EYS: variants seen among roughly 807,000 people sequenced by gnomAD.
EYS encodes EGF-like photoreceptor maintenance factor, also known as protein eyes shut homolog.
In EYS, 250 loss-of-function variants were observed where a neutral mutation model predicts 282.1. The ratio of observed to expected loss-of-function variants is 0.89; its 90% CI spans 0.80 to 0.98. The LOEUF is 0.98. EYS is among the 50% of genes least tolerant of loss of function. The probability of loss-of-function intolerance (pLI) is 0.00; values close to 1 mark genes in which losing one functional copy is unlikely to be tolerated. For synonymous variants in EYS, 1,355 were observed against 1,282.9 expected (o/e 1.06, Z -1.20); for missense variants, 4,016 against 3,709.0 (o/e 1.08, Z -2.15).
rs116416595 is a variant in EYS, at chr6:65,664,721, A to G, written c.-447-24829T>C. Among the ~76,000 whole-genome samples, 492 of 152,274 alleles carry G rather than the reference A, an allele frequency of 3.2e-3. 2 individuals are homozygous for G. The highest frequency in any genetic ancestry group is 0.011 in the African/African-American group (477 of 41,564). On this transcript the variant is annotated intron_variant, in intron 1 of 42. Coordinates refer to ENST00000503581, the MANE Select transcript of EYS (RefSeq NM_001142800.2). ...TTTAATATGCTCACAAATAAACAGG[A>G]TAATAATTTGTTTTCATATTATTTC...
Position 65,320,018 on chromosome 6 carries a change from C to T in EYS, c.1766+14962G>A, listed in dbSNP as rs529518118. Among the ~76,000 whole-genome samples, 32 of 151,862 alleles carry T rather than the reference C, an allele frequency of 2.1e-4. 1 individual carries two copies. In the South Asian group the frequency reaches 6.7e-3, roughly 32 times the overall value. ...CCCTCTAAAGAGAGTCTAGGTCTCA[C>T]AGGTGATCTTTTGTAGCTCTGTGAT... On this transcript the variant is annotated intron_variant, in intron 11 of 42. Coordinates refer to ENST00000503581, the MANE Select transcript of EYS (RefSeq NM_001142800.2).
At chr6:65,016,237 TGAAATTTGCA>T (rs886332191) in intron 13 of EYS, among the ~76,000 whole-genome samples, 3 of 151,970 alleles carry the variant, frequency 2.0e-5, no homozygotes, top group Non-Finnish European at 4.4e-5. Flanking sequence ...TTCCTCTAAT[TGAAATTTGCA>T]TCAAACTAGT....
At chr6:65,519,557 G>T (rs959712242) in intron 2 of EYS, among the ~76,000 whole-genome samples, 1 of 146,614 alleles carries the variant, frequency 6.8e-6, no homozygotes, top group Admixed American at 7.0e-5. Flanking sequence ...ATTAATAATT[G>T]AATTAATGAG....
intron 15 of EYS, among the ~76,000 whole-genome samples, chr6:64,942,732 C>G (rs1257100945): frequency 6.7e-6 from 1 of 149,936 alleles, no homozygotes; most frequent in South Asian, 2.1e-4. Flanking sequence ...AAAAAACAAC[C>G]TACCAACTAA....
intron 5 of EYS, among the ~76,000 whole-genome samples, chr6:65,406,754 G>T (rs973468529): frequency 1.3e-5 from 2 of 151,914 alleles, no homozygotes. Flanking sequence ...CAATAAAGTT[G>T]CACATAGATA....
chr6:64,142,109 G>T (rs1774356309), intron 31 of EYS, among the ~76,000 whole-genome samples: 1 of 152,058 alleles, frequency 6.6e-6, no homozygotes, highest in African/African-American at 2.4e-5. Flanking sequence ...CCTCGAGGTG[G>T]AGAGAAAAAG....
At chr6:64,895,141 T>C (rs1767414878) in intron 18 of EYS, among the ~76,000 whole-genome samples, 1 of 151,980 alleles carries the variant, frequency 6.6e-6, no homozygotes, top group South Asian at 2.1e-4. Context: ...GATTGGACAA[T>C]GCAAAAGCTA....
chr6:63,959,520 C>T (rs923405122), intron 35 of EYS, among the ~76,000 whole-genome samples: 8 of 152,060 alleles, frequency 5.3e-5, no homozygotes, highest in Admixed American at 5.2e-4. Context: ...GGGTACATAC[C>T]CAAAGGAATA....
At chr6:64,527,041 A>G (rs1777944062) in intron 26 of EYS, among the ~76,000 whole-genome samples, 1 of 151,794 alleles carries the variant, frequency 6.6e-6, no homozygotes, top group Non-Finnish European at 1.5e-5. Flanking sequence ...CTTTGAGTAA[A>G]GAAAAAAAAT....
chr6:65,104,710 G>A (rs1774985925), intron 12 of EYS, among the ~76,000 whole-genome samples: 1 of 151,304 alleles, frequency 6.6e-6, no homozygotes, highest in Non-Finnish European at 1.5e-5. Flanking sequence ...TCTCTTCAAA[G>A]TTTGTATCGA....
At chr6:64,515,431 T>TA (rs1465175428) in intron 26 of EYS, among the ~76,000 whole-genome samples, 1 of 151,496 alleles carries the variant, frequency 6.6e-6, no homozygotes, top group African/African-American at 2.4e-5. Flanking sequence ...TATTTTTTGC[T>TA]AAAAAAATTG....
At chr6:64,701,565 G>A (rs1203648497) in intron 22 of EYS, among the ~76,000 whole-genome samples, 1 of 152,038 alleles carries the variant, frequency 6.6e-6, no homozygotes, top group Admixed American at 6.5e-5. Context: ...AACATGTATA[G>A]AACTGGAGGC....
At chr6:63,727,733 A>AGTATATATATATATATATAT (rs1430421127) in intron 41 of EYS, among the ~76,000 whole-genome samples, 1 of 56,148 alleles carries the variant, frequency 1.8e-5, no homozygotes, top group African/African-American at 1.4e-4. Flanking sequence ...AAAAAAAAAA[A>AGTATATATATATATATATAT]AAAAATATAT....
chr6:64,686,806 T>TGTATATATATAC lies in EYS; in HGVS notation c.3444-60562_3444-60561insGTATATATATAC, dbSNP rs1485738775. On this transcript the variant is annotated intron_variant, in intron 22 of 42. Transcript: ENST00000503581. ...ATATATATGTGTGTATATATATATG[T>TGTATATATATAC]GTGTATATATATATGTGTATATATA... Among the ~76,000 whole-genome samples the TGTATATATATAC allele has an allele frequency of 8.2e-5, 5 of 61,272 alleles. 2 individuals are homozygous for TGTATATATATAC. Among genetic ancestry groups the TGTATATATATAC allele is most frequent in the Non-Finnish European group, 1.8e-4 (5 of 28,304 alleles). The allele number at this position is 61,272 out of a possible 152,430, so 40.2% of individuals were successfully genotyped here.
chr6:65,563,788 G>A (rs1277311758), intron 2 of EYS, among the ~76,000 whole-genome samples: 1 of 152,044 alleles, frequency 6.6e-6, no homozygotes, highest in Non-Finnish European at 1.5e-5. Context: ...TAATTGTCAG[G>A]TGGCCCCTTA....
In EYS at chr6:65,221,312, C is replaced by T. The variant is rs568661400; in HGVS notation, c.2023+74551G>A. ...TCATAGCAGCCCCTCCCATCACATGCCCAGAGGCCTAGGAGGAAAAAATGG... is the reference window on the plus strand; with the variant it reads ...TCATAGCAGCCCCTCCCATCACATGTCCAGAGGCCTAGGAGGAAAAAATGG... On this transcript the variant is annotated intron_variant, in intron 12 of 42. Coordinates refer to ENST00000503581, the MANE Select transcript of EYS (RefSeq NM_001142800.2). Among the ~76,000 whole-genome samples the T allele has an allele frequency of 1.6e-4, 24 of 152,268 alleles. No homozygotes were observed. The South Asian group carries it at 4.6e-3, about 29-fold the overall frequency.
In EYS at chr6:64,497,458, C is replaced by G. The variant is rs541915106; in HGVS notation, c.5645-58106G>C. On this transcript the variant is annotated intron_variant, in intron 26 of 42. Transcript: ENST00000503581. ...CCAGGCAAGTAAATGAACATGAGCCCAGAAGCAGATGGGCACAGTGTGATT... is the reference window on the plus strand; with the variant it reads ...CCAGGCAAGTAAATGAACATGAGCCGAGAAGCAGATGGGCACAGTGTGATT... 6.6e-5 allele frequency among the ~76,000 whole-genome samples: 10 copies of G among 152,128 alleles called. No individual in the cohort carries two copies. The East Asian group carries it at 1.7e-3, about 27-fold the overall frequency.
intron 28 of EYS, among the ~76,000 whole-genome samples, chr6:64,416,941 A>C (rs537036403): frequency 1.3e-5 from 2 of 152,308 alleles, no homozygotes; most frequent in African/African-American, 4.8e-5. Flanking sequence ...AAACCCAGGA[A>C]AACTGAGAAG....
intron 2 of EYS, among the ~76,000 whole-genome samples, chr6:65,635,389 C>T (rs1028047522): frequency 6.6e-6 from 1 of 152,148 alleles, no homozygotes; most frequent in Non-Finnish European, 1.5e-5. Context: ...TCTGATTTAA[C>T]CACCCCGCCC....
Sources: gnomAD v4.1 joint callset for allele counts (sites outside exome capture counted in the v4.1 genomes callset) on GRCh38, gnomAD v4.1.1 for gene constraint, MANE v1.5 for transcripts, NCBI Gene and HGNC (gene_info 2026-07-23, HGNC 2026-07-21) for gene names.